Variants in PTPRM observed in about 807,000 individuals in gnomAD.
PTPRM encodes receptor-type tyrosine-protein phosphatase mu.
A neutral mutation model predicts 186.7 loss-of-function variants in PTPRM; 47 were observed. The ratio of observed to expected loss-of-function variants is 0.25; its 90% CI spans 0.20 to 0.32. The LOEUF (loss-of-function observed/expected upper bound fraction) is 0.32, where lower values mean the gene tolerates loss of function less well. PTPRM is among the 10% of genes least tolerant of loss of function. The pLI, the probability that PTPRM is intolerant of heterozygous loss-of-function variation, is 1.00. For missense variants in PTPRM, 1,494 were observed against 1,865.0 expected, an observed-to-expected ratio of 0.80 and a Z score of 3.66; for synonymous variants, 668 against 674.9, an observed-to-expected ratio of 0.99 and a Z score of 0.16.
intron 14 of PTPRM, among the ~76,000 whole-genome samples, chr18:8,195,510 T>G (rs2093765598): frequency 6.6e-6 from 1 of 152,190 alleles, no homozygotes; most frequent in Admixed American, 6.5e-5. Flanking sequence ...AGTGGATGAT[T>G]GTATAAAGAA....
At chr18:7,574,480 T>A (rs1041465038) in intron 1 of PTPRM, among the ~76,000 whole-genome samples, 1 of 152,262 alleles carries the variant, frequency 6.6e-6, no homozygotes, top group African/African-American at 2.4e-5. Context: ...AAATATTTAA[T>A]TCAAATAAAT....
chr18:7,695,173 C>T lies in PTPRM; in HGVS notation c.74-78976C>T, dbSNP rs1047092217. Among the ~76,000 whole-genome samples, 9 of 152,188 alleles carry T rather than the reference C, an allele frequency of 5.9e-5. No individual in the cohort carries two copies. The East Asian group carries it at 1.4e-3, about 23-fold the overall frequency. On this transcript the variant is annotated intron_variant, in intron 1 of 32. Coordinates refer to ENST00000580170, the MANE Select transcript of PTPRM (RefSeq NM_001105244.2). ...CTAACGTCTCCTGTAAGTGGTGCTT[C>T]GGCTCGTAATGCCAGTAAAATCACT...
intron 13 of PTPRM, among the ~76,000 whole-genome samples, chr18:8,141,196 C>T (rs2092758453): frequency 6.6e-6 from 1 of 152,176 alleles, no homozygotes; most frequent in Non-Finnish European, 1.5e-5. Context: ...ACCCACCCAT[C>T]AGGTTATCCG....
intron 2 of PTPRM, among the ~76,000 whole-genome samples, chr18:7,793,243 A>G (rs2145231254): frequency 6.6e-6 from 1 of 152,224 alleles, no homozygotes; most frequent in East Asian, 1.9e-4. Context: ...CCCTGACTTC[A>G]CCTCCTCACT....
chr18:8,022,124 C>T (rs2085273711), intron 7 of PTPRM, among the ~76,000 whole-genome samples: 1 of 152,144 alleles, frequency 6.6e-6, no homozygotes, highest in South Asian at 2.1e-4. Context: ...TAAGCCAGTT[C>T]TCTCTGCCCC....
intron 14 of PTPRM, among the ~76,000 whole-genome samples, chr18:8,201,619 A>T (rs190124762): frequency 1.2e-4 from 18 of 152,280 alleles, no homozygotes; most frequent in African/African-American, 4.3e-4. Context: ...GGTGCTGACC[A>T]ATTCGTTTCC....
rs189648776 is a variant in PTPRM at position 7,625,174 on chromosome 18, G to A, written c.73+57283G>A. ...TTTTAGAAGACTAAGAAAACATAAA[G>A]GTCTTTTTAAGCAGGCATCAGAATG... On this transcript the variant is annotated intron_variant, in intron 1 of 32. Transcript: ENST00000580170. Among the ~76,000 whole-genome samples, 72 of 152,222 alleles carry A rather than the reference G, an allele frequency of 4.7e-4. 1 individual carries two copies. In the East Asian group the frequency reaches 0.013, roughly 27 times the overall value.
intron 11 of PTPRM, among the ~76,000 whole-genome samples, chr18:8,112,455 T>C (rs955655092): frequency 1.3e-5 from 2 of 152,220 alleles, no homozygotes; most frequent in Non-Finnish European, 2.9e-5. Context: ...GTTCTTGTAC[T>C]GGGCAGCTCT....
intron 2 of PTPRM, among the ~76,000 whole-genome samples, chr18:7,841,981 T>C (rs932833527): frequency 6.6e-6 from 1 of 152,218 alleles, no homozygotes; most frequent in Non-Finnish European, 1.5e-5. Context: ...TTGTTGACTT[T>C]GGCTTTTTCA....
rs2148485140 is a variant in PTPRM at position 8,076,553 on chromosome 18, A to T, written c.1540A>T (p.Thr514Ser). Residue 514 changes from threonine to serine, a missense_variant, in exon 9 of 33, where the codon ACT (threonine) becomes TCT (serine). Transcript: ENST00000580170. Reference sequence around the variant, plus strand: ...ACCAACTCAAACATATGGTGTAATCACTTTATATGAGGTAATATATATGTT... The same window carrying T: ...ACCAACTCAAACATATGGTGTAATCTCTTTATATGAGGTAATATATATGTT... Reference protein sequence around the residue: ...REPTQTYGVITLYEITYKAVS... With the variant: ...REPTQTYGVISLYEITYKAVS... The T allele has an allele frequency of 2.0e-6, 3 of 1,521,084 alleles. No homozygotes were observed. The South Asian group carries it at 3.4e-5, about 17-fold the overall frequency. 94.2% of individuals were successfully genotyped at this position (1,521,084 alleles called of 1,614,324 possible).
chr18:7,949,379 G>A, intron 6 of PTPRM, 24 bp downstream of exon 6: 6 of 1,574,380 alleles, frequency 3.8e-6, no homozygotes, highest in Non-Finnish European at 5.2e-6. Flanking sequence ...TTTTATACCA[G>A]AATATTCTTC....
At chr18:7,740,187 C>A (rs1401304902) in intron 1 of PTPRM, among the ~76,000 whole-genome samples, 1 of 152,004 alleles carries the variant, frequency 6.6e-6, no homozygotes, top group African/African-American at 2.4e-5. Context: ...CCCCACCCTA[C>A]CCCTCAGCTC....
At chr18:7,809,670 C>T (rs1006658590) in intron 2 of PTPRM, among the ~76,000 whole-genome samples, 4 of 152,122 alleles carry the variant, frequency 2.6e-5, no homozygotes, top group Non-Finnish European at 5.9e-5. Context: ...CATTTCCTAC[C>T]GTAAGCTCAT....
At chr18:8,076,745 T>A (rs1488881949) in intron 9 of PTPRM, among the ~76,000 whole-genome samples, 181 bp downstream of exon 9, 1 of 152,140 alleles carries the variant, frequency 6.6e-6, no homozygotes, top group Non-Finnish European at 1.5e-5. Flanking sequence ...GAATTATATA[T>A]AATTTGAGGA....
intron 13 of PTPRM, among the ~76,000 whole-genome samples, chr18:8,126,013 A>ATT (rs2092343847): frequency 4.5e-5 from 1 of 22,418 alleles, no homozygotes; most frequent in African/African-American, 1.3e-4. Context: ...ATATATATAT[A>ATT]TATATATATA....
rs1307222058 is a variant in PTPRM, at chr18:8,126,002, TATATATATATATATATATA to T, written c.2167+11176_2167+11194del. Among the ~76,000 whole-genome samples, 35 of 18,050 alleles carry T rather than the reference TATATATATATATATATATA, an allele frequency of 1.9e-3. 1 individual carries two copies. Among genetic ancestry groups the T allele is most frequent in the Admixed American group, 4.9e-3 (6 of 1,214 alleles). The allele number at this position is 18,050 out of a possible 152,430, so 11.8% of individuals were successfully genotyped here. A position where few individuals can be genotyped will look rare whatever the true frequency, so the allele number is the denominator to read the frequency against. On this transcript the variant is annotated intron_variant, in intron 13 of 32. Coordinates refer to ENST00000580170, the MANE Select transcript of PTPRM (RefSeq NM_001105244.2). The stretch of plus-strand genomic sequence containing the variant: ...ATATATATATATATATATATATATA[TATATATATATATATATATA>T]TATATATTTTAAATCAGTAGACCTT...
intron 1 of PTPRM, among the ~76,000 whole-genome samples, chr18:7,592,849 C>G (rs149227915): frequency 1.3e-5 from 2 of 152,116 alleles, no homozygotes; most frequent in African/African-American, 4.8e-5. Context: ...GTTGCTGAAC[C>G]GAGACAGAAC....
chr18:8,227,366 AG>A (rs569648204), intron 14 of PTPRM, among the ~76,000 whole-genome samples: 22 of 143,746 alleles, frequency 1.5e-4, no homozygotes, highest in South Asian at 1.5e-3. Context: ...CTGAACAAAC[AG>A]GAAGTATTTA....
At chr18:7,693,678 A>G (rs559055688) in intron 1 of PTPRM, among the ~76,000 whole-genome samples, 94 of 152,320 alleles carry the variant, frequency 6.2e-4, no homozygotes, top group African/African-American at 1.9e-3. Flanking sequence ...TGTAATATCA[A>G]TGAAGAACTC....
Sources: allele counts gnomAD v4.1 joint callset (sites outside exome capture counted in the v4.1 genomes callset), GRCh38; gene constraint gnomAD v4.1.1; transcripts MANE v1.5; gene names NCBI Gene and HGNC (gene_info 2026-07-23, HGNC 2026-07-21).